Variants in CDS1 observed in about 807,000 individuals in gnomAD.
The protein encoded by CDS1 is phosphatidate cytidylyltransferase 1.
A neutral mutation model predicts 62.1 loss-of-function variants in CDS1; 41 were observed. The observed-to-expected ratio is 0.66, with a 90% CI of 0.51 to 0.86. CDS1 has a LOEUF of 0.86. Among genes scored for constraint, CDS1 ranks in the 40% least tolerant of loss-of-function variants. The pLI, the probability that CDS1 is intolerant of heterozygous loss-of-function variation, is 0.00. For synonymous variants in CDS1, 185 were observed against 192.6 expected (o/e 0.96, Z 0.32); for missense variants, 470 against 550.1 (o/e 0.85, Z 1.46).
rs541282458 is a variant in CDS1 at position 84,597,284 on chromosome 4, A to G, written c.118-6959A>G. Among the ~76,000 whole-genome samples, 7 of 152,308 alleles carry G rather than the reference A, an allele frequency of 4.6e-5. No homozygotes were observed. In the South Asian group the frequency reaches 1.0e-3, roughly 23 times the overall value. On this transcript the variant is annotated intron_variant, in intron 1 of 12. Coordinates refer to ENST00000295887, the MANE Select transcript of CDS1 (RefSeq NM_001263.4). ...AAATAAGGAGGCTTTATCAATTATC[A>G]TTAATTAGTGTAGGATAGGACCACA...
Position 84,635,305 on chromosome 4 carries a change from C to A in CDS1, c.764C>A (p.Thr255Asn). 1 of 1,576,428 alleles carries A rather than the reference C, an allele frequency of 6.3e-7. No homozygotes were observed. Among genetic ancestry groups the A allele is most frequent in the Non-Finnish European group, 8.7e-7 (1 of 1,154,428 alleles). Residue 255 changes from threonine (T) to asparagine (N), a missense_variant, in exon 8 of 13, where the codon ACT becomes AAT. This residue lies in a region of CDS1 where 214 missense variants were observed against 242.4 expected (regional missense o/e 0.88). Coordinates refer to ENST00000295887, the MANE Select transcript of CDS1 (RefSeq NM_001263.4). ...PISSVICNDITAYLFGFFFGR... is the reference protein window; with the variant it reads ...PISSVICNDINAYLFGFFFGR... ...TCAAGTGTTATCTGCAATGACATAA[C>A]TGCTTACCTTTTTGGATTTTTTTTT...
At chr4:84,642,266 C>T (rs545643435) in intron 10 of CDS1, among the ~76,000 whole-genome samples, 153 of 149,996 alleles carry the variant, frequency 1.0e-3, no homozygotes, top group African/African-American at 3.6e-3. Context: ...GCGGAGGTTG[C>T]GGTGAGCCGA....
At chr4:84,627,976 A>G (rs2148653293) in intron 5 of CDS1, among the ~76,000 whole-genome samples, 1 of 152,334 alleles carries the variant, frequency 6.6e-6, no homozygotes, top group Middle Eastern at 3.4e-3. Context: ...TAAAATGTTA[A>G]CTAATATGAT....
intron 3 of CDS1, among the ~76,000 whole-genome samples, chr4:84,610,551 G>A (rs558809439): frequency 1.4e-4 from 22 of 152,232 alleles, no homozygotes; most frequent in African/African-American, 4.6e-4. Context: ...TTAGTTCTAG[G>A]GATGATACAG....
chr4:84,636,339 A>G (rs144826201), intron 8 of CDS1, among the ~76,000 whole-genome samples: 1 of 152,340 alleles, frequency 6.6e-6, no homozygotes, highest in East Asian at 1.9e-4. Flanking sequence ...GGGAAAGGAA[A>G]ATACACATGA....
chr4:84,644,771 A>G (rs1035312316), intron 11 of CDS1, among the ~76,000 whole-genome samples: 1 of 152,220 alleles, frequency 6.6e-6, no homozygotes. Context: ...AATGTTTATC[A>G]TAGTAGTAAA....
chr4:84,624,189 G>A (rs1439601439), intron 5 of CDS1, among the ~76,000 whole-genome samples: 1 of 150,464 alleles, frequency 6.6e-6, no homozygotes. Context: ...CGGGAGAATG[G>A]CATGAACCTG....
chr4:84,614,238 C>T (rs1192871993), intron 3 of CDS1, among the ~76,000 whole-genome samples: 1 of 152,032 alleles, frequency 6.6e-6, no homozygotes, highest in Admixed American at 6.6e-5. Flanking sequence ...GATAATATGG[C>T]ACAACCCTAT....
chr4:84,633,962 C>T, intron 7 of CDS1, 23 bp downstream of exon 7: 1 of 1,412,468 alleles, frequency 7.1e-7, no homozygotes, highest in African/African-American at 1.4e-5. Flanking sequence ...AATTATGCTG[C>T]TTTATAAGTA....
chr4:84,643,080 A>G lies in CDS1; in HGVS notation c.1089A>G (p.Ala363=). 2 of 1,613,332 alleles carry G rather than the reference A, an allele frequency of 1.2e-6. No homozygotes were observed. The highest frequency in any genetic ancestry group is 1.1e-5 in the South Asian group (1 of 90,912). ...QIHSIALSTF[A]SLIGPFGGFF... ...ACAGCATTGCACTGTCAACCTTTGC[A>G]TCTTTAATTGGCCCATTTGGAGGCT... Residue 363 remains alanine, a synonymous_variant, in exon 11 of 13, where the codon GCA becomes GCG. Transcript: ENST00000295887.
intron 1 of CDS1, among the ~76,000 whole-genome samples, chr4:84,595,726 T>TA (rs1722728914): frequency 1.3e-5 from 2 of 152,222 alleles, no homozygotes; most frequent in African/African-American, 2.4e-5. Flanking sequence ...AGATCTCAGG[T>TA]AAAAAACAAG....
rs1722317868 is a variant in CDS1, at chr4:84,583,503, G to T, written c.102G>T (p.Glu34Asp). Residue 34 changes from glutamate (E) to aspartate (D), a missense_variant, in exon 1 of 13, where the codon GAG (glutamate) becomes GAT (aspartate). Coordinates refer to ENST00000295887, the MANE Select transcript of CDS1 (RefSeq NM_001263.4). The stretch of plus-strand genomic sequence containing the variant: ...CGGCCGGCGGCGACCACGAAACCGA[G>T]AGCACCAGCGACAAAGTAAGTGGAG... ...GEAAGGDHET[E>D]STSDKETDID... 6.5e-7 allele frequency: 1 copy of T among 1,531,336 alleles called. No individual in the cohort carries two copies. Among genetic ancestry groups the T allele is most frequent in the Non-Finnish European group, 8.8e-7 (1 of 1,139,996 alleles). The allele number at this position is 1,531,336 out of a possible 1,614,324, so 94.9% of individuals were successfully genotyped here.
At chr4:84,628,647 C>T (rs1026166481) in intron 5 of CDS1, among the ~76,000 whole-genome samples, 4 of 152,144 alleles carry the variant, frequency 2.6e-5, no homozygotes, top group Non-Finnish European at 5.9e-5. Flanking sequence ...ATCCTCCAGC[C>T]TCAGCCTTTC....
At chr4:84,643,824 C>T (rs1159122488) in intron 11 of CDS1, among the ~76,000 whole-genome samples, 4 of 152,196 alleles carry the variant, frequency 2.6e-5, no homozygotes, top group Non-Finnish European at 5.9e-5. Flanking sequence ...CATAAAGTGA[C>T]ATGTTATCTC....
At chr4:84,635,682 CCT>C in intron 8 of CDS1, among the ~76,000 whole-genome samples, 4 of 130,848 alleles carry the variant, frequency 3.1e-5, no homozygotes, top group Admixed American at 1.6e-4. Context: ...TTCCTTCCTT[CCT>C]TCCTTCCCTC....
chr4:84,605,983 A>G (rs922656017), intron 2 of CDS1, among the ~76,000 whole-genome samples: 1 of 152,134 alleles, frequency 6.6e-6, no homozygotes, highest in African/African-American at 2.4e-5. Context: ...ATTCTTATCT[A>G]TGCTATTTAT....
At chr4:84,624,690 T>G (rs1228546028) in intron 5 of CDS1, among the ~76,000 whole-genome samples, 1 of 152,186 alleles carries the variant, frequency 6.6e-6, no homozygotes, top group Non-Finnish European at 1.5e-5. Flanking sequence ...TGCTATAATT[T>G]ATGCTTGAGA....
chr4:84,601,036 G>A (rs931418581), intron 1 of CDS1, among the ~76,000 whole-genome samples: 5 of 151,948 alleles, frequency 3.3e-5, no homozygotes, highest in African/African-American at 9.7e-5. Flanking sequence ...AGCCAGGTGC[G>A]GTGGTGCATG....
chr4:84,594,891 A>T (rs1479567268), intron 1 of CDS1, among the ~76,000 whole-genome samples: 1 of 151,506 alleles, frequency 6.6e-6, no homozygotes, highest in Non-Finnish European at 1.5e-5. Flanking sequence ...TAATTTTTAC[A>T]TTTTTTTTGT....
Sources: gnomAD v4.1 joint callset for allele counts (sites outside exome capture counted in the v4.1 genomes callset) on GRCh38, gnomAD v4.1.1 for gene constraint, gnomAD v4.1.1 regional missense constraint, MANE v1.5 for transcripts, NCBI Gene and HGNC (gene_info 2026-07-23, HGNC 2026-07-21) for gene names.